Variants in TNFAIP8 observed in about 807,000 individuals in gnomAD.
TNFAIP8 encodes the protein tumor necrosis factor alpha-induced protein 8.
In TNFAIP8, 7 loss-of-function variants were observed where a neutral mutation model predicts 13.3. The observed-to-expected ratio is 0.52, with a 90% confidence interval of 0.30 to 0.99. The LOEUF is 0.99. Among genes scored for constraint, TNFAIP8 ranks in the 50% least tolerant of loss-of-function variants. The pLI is 0.07. For missense variants in TNFAIP8, 258 were observed against 236.9 expected (o/e 1.09, Z -0.58); for synonymous variants, 94 against 87.6 (o/e 1.07, Z -0.41).
intron 1 of TNFAIP8, among the ~76,000 whole-genome samples, chr5:119,307,020 C>T (rs1749587997): frequency 6.6e-6 from 1 of 152,030 alleles, no homozygotes; most frequent in Non-Finnish European, 1.5e-5. Context: ...TTGGTACAGC[C>T]CAATTTCAAA....
intron 1 of TNFAIP8, among the ~76,000 whole-genome samples, chr5:119,390,397 C>T (rs1435869333): frequency 1.3e-5 from 2 of 151,990 alleles, no homozygotes; most frequent in Non-Finnish European, 2.9e-5. Flanking sequence ...ACATGGATGC[C>T]ATTTCTTTTG....
In TNFAIP8 at chr5:119,269,101, C is replaced by T. The variant is rs1049319666; in HGVS notation, c.1+194C>T. Among the ~76,000 whole-genome samples the T allele has an allele frequency of 9.2e-5, 14 of 152,302 alleles. No individual in the cohort carries two copies. The East Asian group carries it at 2.7e-3, about 29-fold the overall frequency. ...ACGAGTGTGTGCAGGAGCGCACAGC[C>T]TCGGAAACTCCGCGAAATTTTACTC... On this transcript the variant is annotated intron_variant, in intron 1 of 1. Coordinates refer to the TNFAIP8 transcript ENST00000274456.
At chr5:119,382,100 C>T (rs1698460624) in intron 1 of TNFAIP8, among the ~76,000 whole-genome samples, 1 of 152,048 alleles carries the variant, frequency 6.6e-6, no homozygotes, top group African/African-American at 2.4e-5. Flanking sequence ...CCTAATTAGC[C>T]AGTAGGAATT....
intron 1 of TNFAIP8, among the ~76,000 whole-genome samples, chr5:119,293,032 C>T (rs915139328): frequency 4.6e-5 from 7 of 151,884 alleles, no homozygotes; most frequent in African/African-American, 1.7e-4. Flanking sequence ...TGTGTTGTCA[C>T]CAATGGCAGG....
intron 1 of TNFAIP8, among the ~76,000 whole-genome samples, chr5:119,294,507 AC>A (rs1380323062): frequency 6.6e-6 from 1 of 152,116 alleles, no homozygotes; most frequent in Non-Finnish European, 1.5e-5. Context: ...CAATAAACAT[AC>A]GTGTGCATGT....
chr5:119,389,375 T>C (rs546368585), intron 1 of TNFAIP8, among the ~76,000 whole-genome samples: 1 of 151,162 alleles, frequency 6.6e-6, no homozygotes, highest in Non-Finnish European at 1.5e-5. Context: ...GGCACATGGG[T>C]GGTATCTGAA....
intron 1 of TNFAIP8, among the ~76,000 whole-genome samples, chr5:119,319,849 A>G (rs1750002651): frequency 6.6e-6 from 1 of 152,224 alleles, no homozygotes; most frequent in Non-Finnish European, 1.5e-5. Context: ...GGAAGTACAT[A>G]ATTAACAAGG....
In TNFAIP8 at chr5:119,395,897, G is replaced by A. The variant is rs899230891; in HGVS notation, c.*2516G>A. The A allele has an allele frequency of 2.6e-5, 4 of 151,352 alleles. No individual in the cohort carries two copies. The highest frequency in any genetic ancestry group is 4.1e-4 in the South Asian group (2 of 4,824). The allele number at this position is 151,352 out of a possible 1,614,324, so 9.4% of individuals were successfully genotyped here. On this transcript the variant is annotated 3_prime_UTR_variant, in exon 2 of 2. Transcript: ENST00000504771. ...ATCTGTTCACGTTTTGAAAAAAATT[G>A]TGTTGTAATTGATTTTATTTTGTGC...
At chr5:119,311,320 G>A (rs912012761) in intron 1 of TNFAIP8, among the ~76,000 whole-genome samples, 3 of 151,876 alleles carry the variant, frequency 2.0e-5, no homozygotes, top group Non-Finnish European at 2.9e-5. Context: ...TACTGTGCCC[G>A]GCCTTGGTGT....
chr5:119,355,457 C>A, upstream of TNFAIP8: 1 of 675,610 alleles, frequency 1.5e-6, no homozygotes, highest in South Asian at 1.5e-5. Context: ...AAATTGTGCT[C>A]TCTTAAGCTG....
At chr5:119,317,735 A>G (rs1453621459) in intron 1 of TNFAIP8, among the ~76,000 whole-genome samples, 1 of 151,974 alleles carries the variant, frequency 6.6e-6, no homozygotes, top group Non-Finnish European at 1.5e-5. Flanking sequence ...AGTAGCTGGG[A>G]TTATAGGCAT....
At chr5:119,388,765 G>T (rs1284602985) in intron 1 of TNFAIP8, among the ~76,000 whole-genome samples, 1 of 151,378 alleles carries the variant, frequency 6.6e-6, no homozygotes, top group Non-Finnish European at 1.5e-5. Flanking sequence ...TCCCACCTCA[G>T]CCCCCTGAGC....
intron 1 of TNFAIP8, among the ~76,000 whole-genome samples, chr5:119,365,645 G>A (rs1298515931): frequency 6.6e-6 from 1 of 152,188 alleles, no homozygotes; most frequent in Admixed American, 6.5e-5. Context: ...TTTTCCTCCT[G>A]TAAAGTTGTT....
At chr5:119,355,601 C>G, upstream of TNFAIP8, 1 of 563,122 alleles carries the variant, frequency 1.8e-6, no homozygotes, top group Non-Finnish European at 3.1e-6. Context: ...AAATGTAATC[C>G]AAAAATACAG....
Position 119,393,445 on chromosome 5 carries a change from A to G in TNFAIP8, c.*64A>G. The G allele has an allele frequency of 7.1e-7, 1 of 1,417,576 alleles. No individual in the cohort carries two copies. Among genetic ancestry groups the G allele is most frequent in the Admixed American group, 2.2e-5 (1 of 46,032 alleles). 87.8% of individuals were successfully genotyped at this position (1,417,576 alleles called of 1,614,324 possible). A position where few individuals can be genotyped will look rare whatever the true frequency, so the allele number is the denominator to read the frequency against. On this transcript the variant is annotated 3_prime_UTR_variant, in exon 2 of 2. Transcript: ENST00000504771. ...GAAGATGGAGCACTGCTGATTTATG[A>G]AGGAAAAAAGAAGAATTTTCTAAAG... is the stretch of plus-strand genomic sequence containing the variant.
intron 1 of TNFAIP8, among the ~76,000 whole-genome samples, chr5:119,330,498 A>G (rs1750343845): frequency 1.3e-5 from 2 of 152,126 alleles, no homozygotes; most frequent in African/African-American, 2.4e-5. Context: ...ATGTGTGTCT[A>G]GAGATTGTTC....
In TNFAIP8 at chr5:119,394,099, G is replaced by A. The variant is rs970533370; in HGVS notation, c.*718G>A. The A allele has an allele frequency of 3.9e-5, 6 of 152,122 alleles. No individual in the cohort carries two copies. The highest frequency in any genetic ancestry group is 6.5e-5 in the Admixed American group (1 of 15,268). The allele number at this position is 152,122 out of a possible 1,614,324, so 9.4% of individuals were successfully genotyped here. ...GTCATTGCCTTGAAATGCTTGCTTA[G>A]GGCTTCTTTTATGTTATCTTAAAAA... On this transcript the variant is annotated 3_prime_UTR_variant, in exon 2 of 2. Transcript: ENST00000504771.
intron 1 of TNFAIP8, among the ~76,000 whole-genome samples, chr5:119,328,324 T>C (rs1014624711): frequency 6.6e-6 from 1 of 151,514 alleles, no homozygotes; most frequent in African/African-American, 2.4e-5. Context: ...GGAAAAGTTT[T>C]TGAAACTTAC....
At chr5:119,386,184 TG>T (rs1752663318) in intron 1 of TNFAIP8, among the ~76,000 whole-genome samples, 1 of 152,220 alleles carries the variant, frequency 6.6e-6, no homozygotes, top group Admixed American at 6.5e-5. Context: ...TTACAAGGTA[TG>T]TTTTTTAAGA....
Sources: allele counts gnomAD v4.1 joint callset (sites outside exome capture counted in the v4.1 genomes callset), GRCh38; gene constraint gnomAD v4.1.1; transcripts MANE v1.5; gene names NCBI Gene and HGNC (gene_info 2026-07-23, HGNC 2026-07-21).